The following COL26A1 variants were observed in gnomAD, a reference collection of about 807,000 sequenced individuals.
COL26A1 encodes the protein collagen type XXVI alpha 1 chain, also known as collagen alpha-1(XXVI) chain.
Under a neutral mutation model 59.3 loss-of-function variants are expected in COL26A1, and 41 were observed. The observed-to-expected ratio is 0.69, with a 90% CI of 0.54 to 0.90. The LOEUF (loss-of-function observed/expected upper bound fraction) is 0.90, where lower values mean the gene tolerates loss of function less well. Among genes scored for constraint, COL26A1 ranks in the 40% least tolerant of loss-of-function variants. The pLI, the probability that COL26A1 is intolerant of heterozygous loss-of-function variation, is 0.00. For synonymous variants in COL26A1, 266 were observed against 256.0 expected, an observed-to-expected ratio of 1.04 and a Z score of -0.37; for missense variants, 612 against 602.3, an observed-to-expected ratio of 1.02 and a Z score of -0.17.
chr7:101,530,015 G>T (rs113098368), intron 3 of COL26A1, among the ~76,000 whole-genome samples: 2 of 152,080 alleles, frequency 1.3e-5, no homozygotes, highest in Non-Finnish European at 2.9e-5. Flanking sequence ...TCATCCAGTC[G>T]CAGGAACATC....
intron 1 of COL26A1, among the ~76,000 whole-genome samples, chr7:101,409,147 GAGAAACCACT>G (rs1362583981): frequency 6.6e-6 from 1 of 152,014 alleles, no homozygotes; most frequent in Non-Finnish European, 1.5e-5. Flanking sequence ...AGGAGGGGAA[GAGAAACCACT>G]CCATGCGCTT....
chr7:101,445,730 T>G (rs1793174537), intron 2 of COL26A1, among the ~76,000 whole-genome samples: 1 of 17,912 alleles, frequency 5.6e-5, no homozygotes, highest in Non-Finnish European at 1.4e-4. Flanking sequence ...AGACTCCGTC[T>G]CAAAAAAAAA....
intron 1 of COL26A1, among the ~76,000 whole-genome samples, chr7:101,414,699 A>G (rs778498031): frequency 2.6e-5 from 4 of 152,138 alleles, no homozygotes; most frequent in Admixed American, 6.5e-5. Context: ...GGCCTCCCAA[A>G]GTGCTGGGAT....
chr7:101,424,316 G>C (rs1792592628), intron 2 of COL26A1, among the ~76,000 whole-genome samples: 1 of 152,046 alleles, frequency 6.6e-6, no homozygotes, highest in African/African-American at 2.4e-5. Context: ...CTAGGGAATG[G>C]GCCGGGTGTG....
intron 2 of COL26A1, among the ~76,000 whole-genome samples, chr7:101,444,657 C>T (rs1436059416): frequency 6.6e-6 from 1 of 151,722 alleles, no homozygotes; most frequent in East Asian, 1.9e-4. Flanking sequence ...TCAGGTGATC[C>T]GCCCACCTCG....
In COL26A1 at chr7:101,461,304, C is replaced by T. The variant is rs922598964; in HGVS notation, c.385+13517C>T. On this transcript the variant is annotated intron_variant, in intron 3 of 12. Transcript: ENST00000313669. ...CTGCACCTGCCCTCCTCCTCCTCCT[C>T]CTTCTTTTTTTTTGACGGAGTTTCG... Among the ~76,000 whole-genome samples the T allele has an allele frequency of 1.8e-4, 16 of 91,068 alleles. 1 individual carries two copies. Among genetic ancestry groups the T allele is most frequent in the Admixed American group, 1.1e-3 (12 of 10,498 alleles). The allele number at this position is 91,068 out of a possible 152,430, so 59.7% of individuals were successfully genotyped here.
In COL26A1 at chr7:101,471,567, G is replaced by GT. The variant is rs796287195; in HGVS notation, c.385+23783dup. On this transcript the variant is annotated intron_variant, in intron 3 of 12. Transcript: ENST00000313669. The stretch of plus-strand genomic sequence containing the variant: ...ATAATGTTTTGTTGTTGTTGTTGTT[G>GT]TTTGTTTTTTTTTTTTTTTTTTTTT... Among the ~76,000 whole-genome samples, 52 of 112,402 alleles carry GT rather than the reference G, an allele frequency of 4.6e-4. 2 individuals carry two copies. The highest frequency in any genetic ancestry group is 1.7e-3 in the African/African-American group (49 of 28,428). The allele number at this position is 112,402 out of a possible 152,430, so 73.7% of individuals were successfully genotyped here. A position where few individuals can be genotyped will look rare whatever the true frequency, so the allele number is the denominator to read the frequency against.
At chr7:101,495,567 C>T (rs892296767) in intron 3 of COL26A1, among the ~76,000 whole-genome samples, 1 of 151,942 alleles carries the variant, frequency 6.6e-6, no homozygotes, top group African/African-American at 2.4e-5. Context: ...CACCACCATG[C>T]CAGGCTATTT....
chr7:101,492,218 C>T (rs533259661), intron 3 of COL26A1, among the ~76,000 whole-genome samples: 2 of 152,158 alleles, frequency 1.3e-5, no homozygotes, highest in African/African-American at 4.8e-5. Context: ...CGGAAAACTA[C>T]TGTTATTTTC....
In COL26A1 at chr7:101,420,069, G is replaced by A. The variant is rs772822189; in HGVS notation, c.251G>A (p.Arg84Gln). The change falls in exon 2 of 13, where the codon CGG becomes CAG. Residue 84 changes from arginine to glutamine, a missense_variant. By Grantham distance (43) the Arg-to-Gln change is conservative. Transcript: ENST00000313669. ...GTCCAGCGCGTGTACCAGAGCTGCCGGTGGCCGGGGCCCTGCGCCAACCTC... is the reference window on the plus strand; with the variant it reads ...GTCCAGCGCGTGTACCAGAGCTGCCAGTGGCCGGGGCCCTGCGCCAACCTC... Reference protein sequence around the residue: ...TVVQRVYQSCRWPGPCANLVS... With the variant: ...TVVQRVYQSCQWPGPCANLVS... The A allele has an allele frequency of 4.5e-5, 73 of 1,613,262 alleles. No homozygotes were observed. The highest frequency in any genetic ancestry group is 5.5e-5 in the South Asian group (5 of 91,086).
At chr7:101,402,376 G>A (rs556190206) in intron 1 of COL26A1, among the ~76,000 whole-genome samples, 24 of 152,184 alleles carry the variant, frequency 1.6e-4, no homozygotes, top group Admixed American at 1.4e-3. Flanking sequence ...CAGGAATCCT[G>A]GCGGTTGTCC....
intron 3 of COL26A1, among the ~76,000 whole-genome samples, chr7:101,467,590 G>A (rs1161385981): frequency 1.3e-5 from 2 of 151,784 alleles, no homozygotes; most frequent in African/African-American, 4.8e-5. Context: ...AGATGGGGCC[G>A]GGCGCGGTGG....
chr7:101,371,535 T>C lies in COL26A1; in HGVS notation c.158+8345T>C, dbSNP rs374039895. Reference sequence around the variant, plus strand: ...AGCTGGGTGTGGTGGTGCACACTTGTAGTCCTGGTGGAAGCTGAGGTAGGA... The same window carrying C: ...AGCTGGGTGTGGTGGTGCACACTTGCAGTCCTGGTGGAAGCTGAGGTAGGA... On this transcript the variant is annotated intron_variant, in intron 1 of 12. Coordinates refer to ENST00000313669, the MANE Select transcript of COL26A1 (RefSeq NM_001278563.3). 2.7e-4 allele frequency among the ~76,000 whole-genome samples: 41 copies of C among 151,440 alleles called. No homozygotes were observed. The East Asian group carries it at 8.0e-3, about 29-fold the overall frequency.
intron 3 of COL26A1, among the ~76,000 whole-genome samples, chr7:101,525,171 CTTTTTTTTTTTT>C (rs34881584): frequency 4.1e-5 from 3 of 73,838 alleles, no homozygotes; most frequent in Admixed American, 3.6e-4. Context: ...TGACTTCATT[CTTTTTTTTTTTT>C]TTTTTTTTTT....
chr7:101,387,777 TA>T lies in COL26A1; in HGVS notation c.158+24588del, dbSNP rs1381955303. Among the ~76,000 whole-genome samples the T allele has an allele frequency of 5.3e-3, 285 of 53,486 alleles. 5 individuals carry two copies. Among genetic ancestry groups the T allele is most frequent in the African/African-American group, 0.016 (266 of 17,076 alleles). 35.1% of individuals were successfully genotyped at this position (53,486 alleles called of 152,430 possible). On this transcript the variant is annotated intron_variant, in intron 1 of 12. Coordinates refer to ENST00000313669, the MANE Select transcript of COL26A1 (RefSeq NM_001278563.3). ...ATTTATATATATATATATATATATA[TA>T]TTTTTTTTTAAGACAGAGTCTCACT...
In COL26A1 at chr7:101,544,935, TC is replaced by T. The variant is rs1795698467; in HGVS notation, c.704-402del. Among the ~76,000 whole-genome samples the T allele has an allele frequency of 2.0e-5, 3 of 152,206 alleles. No homozygotes were observed. In the South Asian group the frequency reaches 6.2e-4, roughly 32 times the overall value. ...TTAAACACCTCCAGAGACCACCCTCTCAACTCCTCCTGGGTCCTGCCGGGGA... is the reference window on the plus strand; with the variant it reads ...TTAAACACCTCCAGAGACCACCCTCTAACTCCTCCTGGGTCCTGCCGGGGA... On this transcript the variant is annotated intron_variant, in intron 6 of 12. Coordinates refer to ENST00000313669, the MANE Select transcript of COL26A1 (RefSeq NM_001278563.3).
At chr7:101,393,129 G>C (rs757223793) in intron 1 of COL26A1, among the ~76,000 whole-genome samples, 5 of 151,754 alleles carry the variant, frequency 3.3e-5, no homozygotes, top group African/African-American at 4.8e-5. Context: ...CAGCCTCCCA[G>C]TAGCTGAGAT....
At chr7:101,429,589 C>CTTTTTTATTTTTTTTT (rs1792729838) in intron 2 of COL26A1, among the ~76,000 whole-genome samples, 1 of 78,700 alleles carries the variant, frequency 1.3e-5, no homozygotes. Flanking sequence ...TTCTTTTTTA[C>CTTTTTTATTTTTTTTT]TTTTTTTTTT....
intron 1 of COL26A1, among the ~76,000 whole-genome samples, chr7:101,365,299 G>C (rs1233376397): frequency 6.6e-6 from 1 of 152,186 alleles, no homozygotes; most frequent in East Asian, 1.9e-4. Flanking sequence ...CATCTAGGTA[G>C]ATAAATGCCT....
Sources: gnomAD v4.1 joint callset for allele counts (sites outside exome capture counted in the v4.1 genomes callset) on GRCh38, gnomAD v4.1.1 for gene constraint, MANE v1.5 for transcripts, NCBI Gene and HGNC (gene_info 2026-07-23, HGNC 2026-07-21) for gene names.